The following PRKG2 variants were observed in gnomAD, a reference collection of about 807,000 sequenced individuals.
PRKG2 encodes protein kinase cGMP-dependent 2.
Under a neutral mutation model 97.2 loss-of-function variants are expected in PRKG2, and 33 were observed. The observed-to-expected ratio is 0.34, with a 90% confidence interval of 0.26 to 0.45. The LOEUF (loss-of-function observed/expected upper bound fraction) is 0.45, where lower values mean the gene tolerates loss of function less well. Among genes scored for constraint, PRKG2 ranks in the 20% least tolerant of loss-of-function variants. PRKG2 has a pLI of 1.00. For synonymous variants in PRKG2, 330 were observed against 321.8 expected, an observed-to-expected ratio of 1.03 and a Z score of -0.27; for missense variants, 638 against 900.0, an observed-to-expected ratio of 0.71 and a Z score of 3.73.
chr4:81,105,560 A>G lies in PRKG2; in HGVS notation c.2063+253T>C, dbSNP rs185375282. On this transcript the variant is annotated intron_variant, in intron 16 of 18. Coordinates refer to ENST00000264399, the MANE Select transcript of PRKG2 (RefSeq NM_006259.3). Reference sequence around the variant, plus strand: ...TTTTGCTCTCTAACAGATAAAGATGATACCCAAAGGTTGTCTGAAAAATTT... The same window carrying G: ...TTTTGCTCTCTAACAGATAAAGATGGTACCCAAAGGTTGTCTGAAAAATTT... Among the ~76,000 whole-genome samples, 834 of 152,280 alleles carry G rather than the reference A, an allele frequency of 5.5e-3. 8 individuals carry two copies. The highest frequency in any genetic ancestry group is 8.1e-3 in the South Asian group (39 of 4,826).
intron 17 of PRKG2, among the ~76,000 whole-genome samples, chr4:81,095,943 G>A (rs371998259): frequency 5.1e-4 from 77 of 152,202 alleles, no homozygotes; most frequent in African/African-American, 7.0e-4. Flanking sequence ...GTGTACAACC[G>A]CATTATGTCT....
chr4:81,134,598 G>T (rs979660363), intron 14 of PRKG2, among the ~76,000 whole-genome samples: 2 of 152,118 alleles, frequency 1.3e-5, no homozygotes, highest in Non-Finnish European at 2.9e-5. Context: ...AGCATGCAAA[G>T]GAGTCATATT....
chr4:81,116,636 C>A (rs557066734), intron 14 of PRKG2, among the ~76,000 whole-genome samples: 1 of 152,158 alleles, frequency 6.6e-6, no homozygotes, highest in Admixed American at 6.6e-5. Context: ...ACAATCCCCT[C>A]AGCAGTGTAA....
chr4:81,157,456 A>C (rs1749205990), intron 6 of PRKG2, among the ~76,000 whole-genome samples: 1 of 152,224 alleles, frequency 6.6e-6, no homozygotes, highest in African/African-American at 2.4e-5. Flanking sequence ...CCAACAAAAA[A>C]GAGTCCAGGA....
intron 14 of PRKG2, among the ~76,000 whole-genome samples, chr4:81,113,877 C>T (rs368123350): frequency 2.6e-5 from 4 of 152,238 alleles, no homozygotes; most frequent in Admixed American, 6.5e-5. Flanking sequence ...CTGCTACTAA[C>T]GTCCATCCAC....
chr4:81,105,511 T>C (rs1350305089), intron 16 of PRKG2, among the ~76,000 whole-genome samples: 1 of 152,152 alleles, frequency 6.6e-6, no homozygotes, highest in Non-Finnish European at 1.5e-5. Context: ...ATTACTCCTT[T>C]TTTAGCCTAA....
At chr4:81,098,628 G>A (rs916016430) in intron 17 of PRKG2, among the ~76,000 whole-genome samples, 1 of 152,076 alleles carries the variant, frequency 6.6e-6, no homozygotes, top group Non-Finnish European at 1.5e-5. Flanking sequence ...TTTCAATACT[G>A]TTGTGTCTCA....
chr4:81,155,126 C>T (rs1360066806), intron 6 of PRKG2, among the ~76,000 whole-genome samples: 7 of 139,734 alleles, frequency 5.0e-5, no homozygotes, highest in African/African-American at 1.2e-4. Flanking sequence ...TGCAGTGAGC[C>T]GAGATCCCGC....
chr4:81,164,733 A>C (rs889782503), intron 6 of PRKG2, among the ~76,000 whole-genome samples: 1 of 152,090 alleles, frequency 6.6e-6, no homozygotes, highest in African/African-American at 2.4e-5. Flanking sequence ...AGGCAATCTG[A>C]CTAAGGGCAA....
At chr4:81,129,323 G>A (rs2110016929) in intron 14 of PRKG2, among the ~76,000 whole-genome samples, 1 of 152,218 alleles carries the variant, frequency 6.6e-6, no homozygotes, top group Admixed American at 6.5e-5. Flanking sequence ...CAGCTACTAG[G>A]TCTGCTTGGT....
intron 7 of PRKG2, among the ~76,000 whole-genome samples, chr4:81,152,831 G>T (rs1173604347): frequency 6.6e-6 from 1 of 152,216 alleles, no homozygotes; most frequent in Non-Finnish European, 1.5e-5. Flanking sequence ...TAGTGTTGAA[G>T]AGTTTCAGAG....
intron 8 of PRKG2, among the ~76,000 whole-genome samples, chr4:81,150,465 A>C (rs1240975022): frequency 6.6e-6 from 1 of 152,188 alleles, no homozygotes; most frequent in Non-Finnish European, 1.5e-5. Context: ...AAAATGTGAT[A>C]GCATTAAAAG....
intron 10 of PRKG2, 142 bp from the exon 11 acceptor site, chr4:81,143,089 A>G (rs1747456287): frequency 2.7e-6 from 3 of 1,096,824 alleles, no homozygotes; most frequent in South Asian, 4.8e-5. Flanking sequence ...CCCAACTTTT[A>G]TGGATCAGAT....
chr4:81,157,764 G>T (rs1334642818), intron 6 of PRKG2, among the ~76,000 whole-genome samples: 1 of 151,720 alleles, frequency 6.6e-6, no homozygotes, highest in Non-Finnish European at 1.5e-5. Context: ...GGGATGCAAG[G>T]CTGGTTCAAT....
At chr4:81,115,462 T>C (rs1183839032) in intron 14 of PRKG2, among the ~76,000 whole-genome samples, 1 of 152,224 alleles carries the variant, frequency 6.6e-6, no homozygotes, top group Non-Finnish European at 1.5e-5. Context: ...TTGGTTACTC[T>C]ACATAAGTTT....
At chr4:81,102,741 T>C (rs1395238104) in intron 17 of PRKG2, among the ~76,000 whole-genome samples, 2 of 152,152 alleles carry the variant, frequency 1.3e-5, no homozygotes, top group African/African-American at 4.8e-5. Flanking sequence ...TTATGTCGAG[T>C]AAGTTCATTA....
At position 81,092,546 on chromosome 4, in the gene PRKG2, C is replaced by T. The variant is rs150937577; in HGVS notation, c.2127-94G>A. 107 of 782,250 alleles carry T rather than the reference C, an allele frequency of 1.4e-4. No individual in the cohort carries two copies. The African/African-American group carries it at 1.6e-3, about 12-fold the overall frequency. 48.5% of individuals were successfully genotyped at this position (782,250 alleles called of 1,614,324 possible). On this transcript the variant is annotated intron_variant, in intron 17 of 18. Transcript: ENST00000264399. ...AAAGAGACGACAAAAAGGAATATTA[C>T]TTGGATGATAAACTATTAGCATGTC...
chr4:81,136,972 A>G (rs1479507836), intron 13 of PRKG2, among the ~76,000 whole-genome samples: 1 of 152,172 alleles, frequency 6.6e-6, no homozygotes, highest in African/African-American at 2.4e-5. Flanking sequence ...TTAATTGTGC[A>G]AAAATCACCC....
At chr4:81,100,132 T>C (rs1245011781) in intron 17 of PRKG2, among the ~76,000 whole-genome samples, 5 of 151,548 alleles carry the variant, frequency 3.3e-5, no homozygotes, top group Non-Finnish European at 7.4e-5. Context: ...AAAATGGCCA[T>C]ACTGCCCAAG....
Sources: allele counts gnomAD v4.1 joint callset (sites outside exome capture counted in the v4.1 genomes callset), GRCh38; gene constraint gnomAD v4.1.1; transcripts MANE v1.5; gene names NCBI Gene and HGNC (gene_info 2026-07-23, HGNC 2026-07-21).